The following COX15 variants were observed in gnomAD, a reference collection of about 807,000 sequenced individuals.
The protein encoded by COX15 is heme A synthase COX15.
In COX15, 51 loss-of-function variants were observed where a neutral mutation model predicts 51.9. The observed-to-expected ratio is 0.98, with a 90% CI of 0.78 to 1.24. COX15 has a LOEUF of 1.24. Among genes scored for constraint, COX15 ranks in the 50% most tolerant of loss-of-function variants. COX15 has a pLI of 0.00. For missense variants in COX15, 420 were observed against 501.1 expected, an observed-to-expected ratio of 0.84 and a Z score of 1.55; for synonymous variants, 188 against 190.5, an observed-to-expected ratio of 0.99 and a Z score of 0.11.
chr10:99,699,025 T>G, the COX15 span, among the ~76,000 whole-genome samples: 1 of 152,214 alleles, frequency 6.6e-6, no homozygotes, highest in South Asian at 2.1e-4. Flanking sequence ...ACAGAGAACT[T>G]AAGGATCTAG....
intron 8 of COX15, 56 bp downstream of exon 8, chr10:99,716,292 C>T (rs1490033490): frequency 4.7e-5 from 60 of 1,271,580 alleles, no homozygotes; most frequent in Non-Finnish European, 6.8e-5. Flanking sequence ...TGTGCCCGGC[C>T]CCTTTTTTAA....
Position 99,711,689 on chromosome 10 carries a change from T to C in COX15, c.*2898A>G, listed in dbSNP as rs886046601. On this transcript the variant is annotated 3_prime_UTR_variant, in exon 9 of 9. Transcript: ENST00000016171. ...TTAGATGAGGCTTGGGCTTTGGGAT[T>C]TTTCTAAGATTCAAATAAGAGAGAA... 34 of 985,298 alleles carry C rather than the reference T, an allele frequency of 3.5e-5. No individual in the cohort carries two copies. Among genetic ancestry groups the C allele is most frequent in the Middle Eastern group, 5.2e-4 (1 of 1,936 alleles). 61.0% of individuals were successfully genotyped at this position (985,298 alleles called of 1,614,324 possible).
rs1355179865 is a variant in COX15 at position 99,712,356 on chromosome 10, A to C, written c.*2231T>G. 1 of 985,314 alleles carries C rather than the reference A, an allele frequency of 1.0e-6. No homozygotes were observed. Among genetic ancestry groups the C allele is most frequent in the Non-Finnish European group, 1.2e-6 (1 of 829,934 alleles). 61.0% of individuals were successfully genotyped at this position (985,314 alleles called of 1,614,324 possible). A position where few individuals can be genotyped will look rare whatever the true frequency, so the allele number is the denominator to read the frequency against. On this transcript the variant is annotated 3_prime_UTR_variant, in exon 9 of 9. Transcript: ENST00000016171. ...CTCAGACACGTTAAGCCTGCATAAC[A>C]TTTTTTAAAATCTTGAAATTAGTTC... is the stretch of plus-strand genomic sequence containing the variant.
the COX15 span, among the ~76,000 whole-genome samples, chr10:99,703,475 G>T: frequency 6.6e-5 from 10 of 152,154 alleles, no homozygotes; most frequent in Admixed American, 5.9e-4. Context: ...AGAAAAGTCA[G>T]AAATCCATAT....
downstream of COX15, chr10:99,709,560 TA>T: frequency 1.0e-6 from 1 of 983,066 alleles, no homozygotes; most frequent in Non-Finnish European, 1.2e-6. Flanking sequence ...ATTAATACTA[TA>T]GAATAGCAAC....
Position 99,714,309 on chromosome 10 carries a change from A to G in COX15, c.*278T>C. 1 of 1,228,426 alleles carries G rather than the reference A, an allele frequency of 8.1e-7. No individual in the cohort carries two copies. Among genetic ancestry groups the G allele is most frequent in the Non-Finnish European group, 1.0e-6 (1 of 969,738 alleles). 76.1% of individuals were successfully genotyped at this position (1,228,426 alleles called of 1,614,324 possible). On this transcript the variant is annotated 3_prime_UTR_variant, in exon 9 of 9. Coordinates refer to ENST00000016171, the MANE Select transcript of COX15 (RefSeq NM_078470.6). The stretch of plus-strand genomic sequence containing the variant: ...TTGCCAACACTGAAAAACCTGACAC[A>G]AAGCCTGTTAAGCAGCAAATGGCAG...
intron 8 of COX15, among the ~76,000 whole-genome samples, chr10:99,714,965 T>A (rs1237117016): frequency 1.3e-5 from 2 of 152,256 alleles, no homozygotes; most frequent in African/African-American, 2.4e-5. Flanking sequence ...GTTACCAGTT[T>A]CTGCATACTT....
chr10:99,726,939 C>G (rs2036972589), intron 4 of COX15, 29 bp downstream of exon 4: 1 of 1,486,880 alleles, frequency 6.7e-7, no homozygotes, highest in Admixed American at 1.7e-5. Flanking sequence ...GGGAGCATTT[C>G]TGGTTTCTCA....
At chr10:99,723,868 A>C (rs2036856768) in intron 5 of COX15, 88 bp downstream of exon 5, 1 of 1,459,952 alleles carries the variant, frequency 6.8e-7, no homozygotes, top group Admixed American at 1.7e-5. Context: ...TTCAACTCCT[A>C]TATGATCCAG....
At chr10:99,704,657 A>G in the COX15 span, 3 of 1,613,910 alleles carry the variant, frequency 1.9e-6, no homozygotes, top group Non-Finnish European at 2.5e-6. Flanking sequence ...GGTGGTGCCC[A>G]TGATGGGAGT....
chr10:99,696,004 G>A, the COX15 span: 4 of 1,614,124 alleles, frequency 2.5e-6, no homozygotes, highest in Non-Finnish European at 3.4e-6. Flanking sequence ...GGGCTGTGAT[G>A]TGCAACACAC....
chr10:99,697,810 A>G, the COX15 span: 2 of 154,652 alleles, frequency 1.3e-5, no homozygotes, highest in East Asian at 1.9e-4. Context: ...ATGAATAATT[A>G]ACTGCAATTG....
At position 99,713,019 on chromosome 10, in the gene COX15, T is replaced by C; in HGVS notation, c.*1568A>G. 8.8e-7 allele frequency: 1 copy of C among 1,133,486 alleles called. No individual in the cohort carries two copies. Among genetic ancestry groups the C allele is most frequent in the South Asian group, 2.1e-5 (1 of 46,768 alleles). The allele number at this position is 1,133,486 out of a possible 1,614,324, so 70.2% of individuals were successfully genotyped here. A position where few individuals can be genotyped will look rare whatever the true frequency, so the allele number is the denominator to read the frequency against. On this transcript the variant is annotated 3_prime_UTR_variant, in exon 9 of 9. Coordinates refer to ENST00000016171, the MANE Select transcript of COX15 (RefSeq NM_078470.6). ...GGGTTCTGGACTCATCATTCTGATC[T>C]CTTCTTCTGGATACACACTTAGTGG...
the COX15 span, among the ~76,000 whole-genome samples, chr10:99,695,320 C>A: frequency 6.6e-6 from 1 of 151,948 alleles, no homozygotes; most frequent in East Asian, 1.9e-4. Flanking sequence ...GTCAAGAGAT[C>A]GAGAACATCC....
chr10:99,702,508 ACAGATAT>A, the COX15 span: 1 of 1,543,326 alleles, frequency 6.5e-7, no homozygotes, highest in Non-Finnish European at 8.7e-7. Flanking sequence ...TTTTTGTCAC[ACAGATAT>A]CAGTGTTTTA....
the COX15 span, chr10:99,702,491 T>C: frequency 2.1e-4 from 324 of 1,512,334 alleles, 2 homozygotes; most frequent in African/African-American, 4.1e-3. Flanking sequence ...TTTTTAAAAT[T>C]TAATTATTTT....
the COX15 span, chr10:99,698,953 C>A: frequency 8.8e-7 from 1 of 1,135,280 alleles, no homozygotes; most frequent in Non-Finnish European, 1.2e-6. Flanking sequence ...GCTTTGCATA[C>A]AGAATCTCAC....
the COX15 span, chr10:99,704,730 C>T: frequency 3.9e-6 from 6 of 1,519,012 alleles, no homozygotes; most frequent in Admixed American, 9.5e-5. Context: ...AGTTGCTGCT[C>T]ATTGAATTCC....
chr10:99,714,433 G>A lies in COX15; in HGVS notation c.*154C>T. 1 of 1,509,496 alleles carries A rather than the reference G, an allele frequency of 6.6e-7. No homozygotes were observed. The highest frequency in any genetic ancestry group is 8.8e-7 in the Non-Finnish European group (1 of 1,131,828). 93.5% of individuals were successfully genotyped at this position (1,509,496 alleles called of 1,614,324 possible). ...ACACTTAATGCATTCTTGATCCAGT[G>A]ACTATCTCAAAACAGGAAAAGATTT... is the stretch of plus-strand genomic sequence containing the variant. On this transcript the variant is annotated 3_prime_UTR_variant, in exon 9 of 9. Transcript: ENST00000016171.
Sources: gnomAD v4.1 joint callset for allele counts (sites outside exome capture counted in the v4.1 genomes callset) on GRCh38, gnomAD v4.1.1 for gene constraint, MANE v1.5 for transcripts, NCBI Gene and HGNC (gene_info 2026-07-23, HGNC 2026-07-21) for gene names.